Variants in MYLK observed in about 807,000 individuals in gnomAD.
The protein encoded by MYLK is myosin light chain kinase, smooth muscle.
In MYLK, 106 loss-of-function variants were observed where a neutral mutation model predicts 203.4. The observed-to-expected ratio is 0.52, with a 90% confidence interval of 0.45 to 0.61. The LOEUF is 0.61. Ranked by LOEUF, MYLK falls within the 20% of genes least tolerant of loss-of-function variation. MYLK has a pLI of 0.00. For synonymous variants in MYLK, 867 were observed against 959.5 expected, an observed-to-expected ratio of 0.90 and a Z score of 1.78; for missense variants, 2,072 against 2,442.3, an observed-to-expected ratio of 0.85 and a Z score of 3.20.
Position 123,744,248 on chromosome 3 carries a change from A to G in MYLK, c.374-4247T>C, listed in dbSNP as rs187320635. Among the ~76,000 whole-genome samples, 340 of 152,344 alleles carry G rather than the reference A, an allele frequency of 2.2e-3. 5 individuals carry two copies. Among genetic ancestry groups the G allele is most frequent in the Non-Finnish European group, 1.1e-3 (75 of 68,028 alleles). On this transcript the variant is annotated intron_variant, in intron 5 of 33. Coordinates refer to ENST00000360304, the MANE Select transcript of MYLK (RefSeq NM_053025.4). Reference sequence around the variant, plus strand: ...TATGGATTTCAATATGCAACTGTTCAAGCATGACCATTTCAATTTACATAA... The same window carrying G: ...TATGGATTTCAATATGCAACTGTTCGAGCATGACCATTTCAATTTACATAA...
intron 4 of MYLK, among the ~76,000 whole-genome samples, chr3:123,788,676 G>T (rs947189500): frequency 6.6e-6 from 1 of 151,940 alleles, no homozygotes; most frequent in East Asian, 1.9e-4. Context: ...TTGGGAGACA[G>T]ATACACTATT....
chr3:123,706,033 C>G (rs2061449129), intron 16 of MYLK, among the ~76,000 whole-genome samples: 2 of 152,090 alleles, frequency 1.3e-5, no homozygotes, highest in African/African-American at 4.8e-5. Flanking sequence ...AAGCATAATG[C>G]AAAGGCAGTT....
At chr3:123,814,573 T>C (rs1553855550) in intron 3 of MYLK, among the ~76,000 whole-genome samples, 1 of 152,236 alleles carries the variant, frequency 6.6e-6, no homozygotes, top group Non-Finnish European at 1.5e-5. Flanking sequence ...GTATGTACTT[T>C]TAAAAATAAA....
intron 13 of MYLK, chr3:123,715,820 T>G (rs2108693846): frequency 6.6e-6 from 1 of 152,338 alleles, no homozygotes; most frequent in East Asian, 1.9e-4. Context: ...AACTAAATTC[T>G]GAATTTCTCC....
At chr3:123,686,475 G>A (rs1380776428) in intron 19 of MYLK, among the ~76,000 whole-genome samples, 3 of 151,946 alleles carry the variant, frequency 2.0e-5, no homozygotes, top group Non-Finnish European at 4.4e-5. Flanking sequence ...CAGCTTCTAG[G>A]GGCCCCCAGT....
intron 2 of MYLK, among the ~76,000 whole-genome samples, chr3:123,874,019 A>G (rs975659643): frequency 3.9e-5 from 6 of 152,118 alleles, no homozygotes; most frequent in Admixed American, 3.3e-4. Context: ...AAATGGAGAA[A>G]TATAGTTTAT....
At chr3:123,746,119 G>A (rs567933133) in intron 5 of MYLK, among the ~76,000 whole-genome samples, 1 of 152,244 alleles carries the variant, frequency 6.6e-6, no homozygotes, top group East Asian at 1.9e-4. Flanking sequence ...GCCTCCCAAA[G>A]TGCTGGGATT....
chr3:123,681,370 G>A (rs185760843), intron 20 of MYLK: 2 of 152,314 alleles, frequency 1.3e-5, no homozygotes, highest in East Asian at 1.9e-4. Context: ...GGCCTTCCAC[G>A]AGCAAGGCGC....
In MYLK at chr3:123,663,765, T is replaced by C. The variant is rs147449404; in HGVS notation, c.3985+340A>G. Reference sequence around the variant, plus strand: ...ACCTGTGGCGTAGGGGCCAAGAAGTTGACCAAGTTTATGCCTCATGTCTCT... The same window carrying C: ...ACCTGTGGCGTAGGGGCCAAGAAGTCGACCAAGTTTATGCCTCATGTCTCT... On this transcript the variant is annotated intron_variant, in intron 23 of 33. Coordinates refer to ENST00000360304, the MANE Select transcript of MYLK (RefSeq NM_053025.4). Among the ~76,000 whole-genome samples the C allele has an allele frequency of 8.3e-4, 126 of 152,278 alleles. 1 individual carries two copies. The highest frequency in any genetic ancestry group is 2.9e-3 in the African/African-American group (121 of 41,560).
rs754367975 is a variant in MYLK at position 123,684,553 on chromosome 3, CTT to C, written c.3566-2245_3566-2244del. Among the ~76,000 whole-genome samples the C allele has an allele frequency of 1.8e-3, 265 of 150,464 alleles. 2 individuals are homozygous for C. Among genetic ancestry groups the C allele is most frequent in the Non-Finnish European group, 3.0e-3 (205 of 67,622 alleles). ...ACCCAGTAATTGTTTTGTTTGGCCC[CTT>C]TTTTTTTTTGAAATGGAATCTCACT... On this transcript the variant is annotated intron_variant, in intron 19 of 33. Coordinates refer to ENST00000360304, the MANE Select transcript of MYLK (RefSeq NM_053025.4).
At chr3:123,810,139 A>C (rs941396676) in intron 3 of MYLK, among the ~76,000 whole-genome samples, 1 of 152,174 alleles carries the variant, frequency 6.6e-6, no homozygotes, top group African/African-American at 2.4e-5. Flanking sequence ...GAGTGCCCAC[A>C]ATACCCGCTA....
intron 29 of MYLK, among the ~76,000 whole-genome samples, chr3:123,635,404 C>T (rs1271215072): frequency 6.6e-6 from 1 of 152,254 alleles, no homozygotes; most frequent in African/African-American, 2.4e-5. Context: ...GACTTCCATC[C>T]ATGCTGAGAG....
intron 2 of MYLK, among the ~76,000 whole-genome samples, chr3:123,854,592 T>G (rs1173171863): frequency 2.0e-5 from 3 of 152,252 alleles, no homozygotes; most frequent in African/African-American, 7.2e-5. Context: ...CAATAGACAC[T>G]GGTGACTCCA....
At chr3:123,788,272 A>T (rs1207461537) in intron 4 of MYLK, among the ~76,000 whole-genome samples, 10 of 152,144 alleles carry the variant, frequency 6.6e-5, no homozygotes, top group Non-Finnish European at 1.0e-4. Context: ...ACACTGTCAT[A>T]TCTTGCTCTT....
In MYLK at chr3:123,640,641, G is replaced by T; in HGVS notation, c.4620-137C>A. ...GGAATGGGGGTGATGGGCAATTCCT[G>T]AATCCCCACCCTCCGACATGGGAGA... On this transcript the variant is annotated intron_variant, in intron 27 of 33. Coordinates refer to ENST00000360304, the MANE Select transcript of MYLK (RefSeq NM_053025.4). This position sits in a 1 kb window ranked among gnomAD's most constrained non-coding sequence, Gnocchi z 4.3. The T allele has an allele frequency of 1.1e-6, 1 of 870,838 alleles. No individual in the cohort carries two copies. 53.9% of individuals were successfully genotyped at this position (870,838 alleles called of 1,614,324 possible).
intron 3 of MYLK, among the ~76,000 whole-genome samples, chr3:123,820,676 T>C (rs563651919): frequency 1.8e-4 from 26 of 144,120 alleles, no homozygotes; most frequent in Non-Finnish European, 1.8e-4. Flanking sequence ...CCTTCCTTCC[T>C]TCCTTCCTTC....
chr3:123,796,561 C>A (rs2064994507), intron 3 of MYLK, among the ~76,000 whole-genome samples: 1 of 152,136 alleles, frequency 6.6e-6, no homozygotes, highest in South Asian at 2.1e-4. Flanking sequence ...AATGTTTGCA[C>A]CAAACAAAGG....
chr3:123,837,005 T>A (rs934827164), intron 2 of MYLK, among the ~76,000 whole-genome samples: 1 of 152,204 alleles, frequency 6.6e-6, no homozygotes, highest in African/African-American at 2.4e-5. Flanking sequence ...AAAATAATAA[T>A]TCCTATCCTT....
intron 3 of MYLK, among the ~76,000 whole-genome samples, chr3:123,797,773 G>A (rs2065041635): frequency 1.3e-5 from 2 of 152,204 alleles, no homozygotes; most frequent in African/African-American, 4.8e-5. Flanking sequence ...AAAGTTGAAG[G>A]GAAGGTTTGA....
Sources: allele counts gnomAD v4.1 joint callset (sites outside exome capture counted in the v4.1 genomes callset), GRCh38; gene constraint gnomAD v4.1.1; non-coding constraint Gnocchi (gnomAD v3.1); transcripts MANE v1.5; gene names NCBI Gene and HGNC (gene_info 2026-07-23, HGNC 2026-07-21).